Variants in RORA observed in about 807,000 individuals in gnomAD.
The protein encoded by RORA is RAR related orphan receptor A.
RORA carries 7 observed loss-of-function variants against 69.5 expected under a neutral mutation model. That is an observed-to-expected ratio of 0.10 (90% confidence interval 0.06 to 0.19). The LOEUF is 0.19. Among genes scored for constraint, RORA ranks in the 10% least tolerant of loss-of-function variants. The pLI, the probability that RORA is intolerant of heterozygous loss-of-function variation, is 1.00. For missense variants in RORA, 457 were observed against 663.0 expected (o/e 0.69, Z 3.41); for synonymous variants, 261 against 240.8 (o/e 1.08, Z -0.78).
intron 1 of RORA, among the ~76,000 whole-genome samples, chr15:60,993,083 T>C (rs1431548137): frequency 6.6e-6 from 1 of 152,200 alleles, no homozygotes; most frequent in Admixed American, 6.5e-5. Context: ...GTGTAGGTAA[T>C]AGCTGTCTAT....
intron 2 of RORA, among the ~76,000 whole-genome samples, chr15:60,647,264 A>C (rs2070062060): frequency 6.6e-6 from 1 of 152,170 alleles, no homozygotes; most frequent in Non-Finnish European, 1.5e-5. Flanking sequence ...TTATACCCTT[A>C]AGCCGCACTC....
chr15:61,134,961 A>T (rs1596017120), intron 1 of RORA, among the ~76,000 whole-genome samples: 3 of 151,986 alleles, frequency 2.0e-5, no homozygotes. Flanking sequence ...CTTCCATGCC[A>T]CTATCCTGAG....
intron 1 of RORA, among the ~76,000 whole-genome samples, chr15:61,174,456 T>C (rs1396768135): frequency 6.6e-6 from 1 of 152,212 alleles, no homozygotes; most frequent in Non-Finnish European, 1.5e-5. Flanking sequence ...TAGCCACTGT[T>C]CTGGAAACAG....
intron 1 of RORA, among the ~76,000 whole-genome samples, chr15:60,735,326 T>C (rs558638814): frequency 2.0e-5 from 3 of 152,336 alleles, no homozygotes; most frequent in African/African-American, 7.2e-5. Flanking sequence ...TAAAAGGTTG[T>C]TTTTTTATAT....
intron 1 of RORA, among the ~76,000 whole-genome samples, chr15:61,011,368 C>CT (rs1460074855): frequency 4.6e-5 from 7 of 152,142 alleles, no homozygotes; most frequent in African/African-American, 1.7e-4. Context: ...GGAAGGAACT[C>CT]TAATAATGAT....
In RORA at chr15:60,895,785, A is replaced by G. The variant is rs73430095; in HGVS notation, c.167-217099T>C. 6.5e-3 allele frequency among the ~76,000 whole-genome samples: 993 copies of G among 152,322 alleles called. 11 individuals carry two copies. Among genetic ancestry groups the G allele is most frequent in the African/African-American group, 0.023 (950 of 41,578 alleles). Reference sequence around the variant, plus strand: ...AGCAATTTCCCTCCTAACAATTAGTATAAGCTAGGGCTCTTACTTTGACTT... The same window carrying G: ...AGCAATTTCCCTCCTAACAATTAGTGTAAGCTAGGGCTCTTACTTTGACTT... On this transcript the variant is annotated intron_variant, in intron 1 of 10. Transcript: ENST00000335670.
intron 1 of RORA, among the ~76,000 whole-genome samples, chr15:61,028,456 T>A (rs1396992125): frequency 6.6e-6 from 1 of 152,198 alleles, no homozygotes; most frequent in Non-Finnish European, 1.5e-5. Context: ...GAGCTCCTAC[T>A]ATGTGCGGGG....
At chr15:60,614,844 C>T in intron 2 of RORA, 7 of 1,470,118 alleles carry the variant, frequency 4.8e-6, no homozygotes, top group Non-Finnish European at 5.7e-6. Context: ...CACTGACATG[C>T]TTACATACAT....
intron 1 of RORA, among the ~76,000 whole-genome samples, chr15:60,709,354 A>T (rs1033568392): frequency 6.6e-6 from 1 of 152,220 alleles, no homozygotes; most frequent in Admixed American, 6.5e-5. Context: ...TAAGAAACTC[A>T]AAGATGCAAA....
intron 2 of RORA, among the ~76,000 whole-genome samples, chr15:60,631,195 A>G (rs999986001): frequency 3.3e-5 from 5 of 152,176 alleles, no homozygotes; most frequent in African/African-American, 4.8e-5. Flanking sequence ...GGCCAGCAGC[A>G]TGAGACTTTC....
intron 1 of RORA, among the ~76,000 whole-genome samples, chr15:61,172,481 T>C (rs1223623968): frequency 2.0e-5 from 3 of 152,042 alleles, no homozygotes; most frequent in African/African-American, 7.2e-5. Context: ...GAAACTCAGG[T>C]AGTATATGCA....
chr15:61,198,204 T>C (rs2079862302), intron 1 of RORA, among the ~76,000 whole-genome samples: 1 of 152,022 alleles, frequency 6.6e-6, no homozygotes, highest in Non-Finnish European at 1.5e-5. Flanking sequence ...ATGAGCAAAA[T>C]ACCAAAATGT....
intron 1 of RORA, among the ~76,000 whole-genome samples, chr15:61,065,359 G>T (rs1438707322): frequency 6.6e-6 from 1 of 152,106 alleles, no homozygotes; most frequent in African/African-American, 2.4e-5. Flanking sequence ...AAGTTAAACT[G>T]CCATTTTCCC....
intron 1 of RORA, among the ~76,000 whole-genome samples, chr15:61,167,632 T>C (rs2079549981): frequency 6.6e-6 from 1 of 151,914 alleles, no homozygotes; most frequent in South Asian, 2.1e-4. Flanking sequence ...ACCAGCAAGG[T>C]TGGCATCAGG....
At chr15:60,513,610 T>A (rs1299880948) in intron 4 of RORA, among the ~76,000 whole-genome samples, 4 of 152,368 alleles carry the variant, frequency 2.6e-5, no homozygotes, top group Non-Finnish European at 4.4e-5. Flanking sequence ...CAGAGTTGCA[T>A]GTCACAGGAA....
chr15:60,562,666 T>A (rs892521287), intron 2 of RORA, among the ~76,000 whole-genome samples: 1 of 151,284 alleles, frequency 6.6e-6, no homozygotes, highest in Non-Finnish European at 1.5e-5. Flanking sequence ...CAGGATGGTC[T>A]CGATCTCCTG....
At chr15:60,574,297 G>C (rs532466682) in intron 2 of RORA, among the ~76,000 whole-genome samples, 1 of 152,330 alleles carries the variant, frequency 6.6e-6, no homozygotes, top group South Asian at 2.1e-4. Flanking sequence ...CCATTTCATG[G>C]TGCTTGGCAC....
At chr15:61,199,796 A>AT (rs2079878298) in intron 1 of RORA, among the ~76,000 whole-genome samples, 1 of 152,246 alleles carries the variant, frequency 6.6e-6, no homozygotes, top group Admixed American at 6.5e-5. Flanking sequence ...CAGGAAACTG[A>AT]TAACAGGCTG....
chr15:61,203,622 C>T (rs1304849518), intron 1 of RORA, among the ~76,000 whole-genome samples: 1 of 151,876 alleles, frequency 6.6e-6, no homozygotes, highest in Non-Finnish European at 1.5e-5. Flanking sequence ...ACAGAAGCTT[C>T]AGAAAAAAAG....
Sources: allele counts gnomAD v4.1 joint callset (sites outside exome capture counted in the v4.1 genomes callset), GRCh38; gene constraint gnomAD v4.1.1; transcripts MANE v1.5; gene names NCBI Gene and HGNC (gene_info 2026-07-23, HGNC 2026-07-21).